RPGRIP1L: variants seen among roughly 807,000 people sequenced by gnomAD.
RPGRIP1L encodes the protein RPGRIP1 like.
A neutral mutation model predicts 160.4 loss-of-function variants in RPGRIP1L; 131 were observed. That is an observed-to-expected ratio of 0.82 (90% CI 0.71 to 0.94). RPGRIP1L has a LOEUF of 0.94. Ranked by LOEUF, RPGRIP1L falls within the 40% of genes least tolerant of loss-of-function variation. The pLI, the probability that RPGRIP1L is intolerant of heterozygous loss-of-function variation, is 0.00. For missense variants in RPGRIP1L, 1,522 were observed against 1,535.8 expected (o/e 0.99, Z 0.15); for synonymous variants, 510 against 515.8 (o/e 0.99, Z 0.15).
At chr16:53,626,514 T>C (rs2081442896) in intron 22 of RPGRIP1L, among the ~76,000 whole-genome samples, 1 of 152,104 alleles carries the variant, frequency 6.6e-6, no homozygotes, top group Non-Finnish European at 1.5e-5. Context: ...TTTATAAATT[T>C]TGATTGTGGG....
At chr16:53,659,305 A>ATAGT (rs1967561102) in intron 10 of RPGRIP1L, 1 of 482,302 alleles carries the variant, frequency 2.1e-6, no homozygotes, top group South Asian at 7.3e-5. Flanking sequence ...AACTTAGCAT[A>ATAGT]TAGTATTTTT....
chr16:53,635,213 A>C (rs1965763634), intron 22 of RPGRIP1L, among the ~76,000 whole-genome samples: 1 of 152,202 alleles, frequency 6.6e-6, no homozygotes, highest in African/African-American at 2.4e-5. Flanking sequence ...AGTTAAGAGC[A>C]ATGTACAACT....
chr16:53,677,739 T>A (rs1469152240), intron 6 of RPGRIP1L, among the ~76,000 whole-genome samples: 7 of 152,176 alleles, frequency 4.6e-5, no homozygotes, highest in Admixed American at 1.3e-4. Flanking sequence ...TTTAGCTAAG[T>A]GACCAGTCCT....
intron 12 of RPGRIP1L, 129 bp downstream of exon 12, chr16:53,658,285 G>T: frequency 1.3e-6 from 1 of 749,944 alleles, no homozygotes; most frequent in Non-Finnish European, 2.4e-6. Context: ...ATTTGTAAAG[G>T]ATGTACTAAG....
chr16:53,652,574 C>A lies in RPGRIP1L; in HGVS notation c.2113G>T (p.Glu705Ter), dbSNP rs1194791522. ...GTACAAAATATTCGGCCGCTTTTTT[C>A]AAGAATTTCGTGAAATTTTAATTGA... ...ACQLKFHEIL[E>*]KSGRIFCTAS... Residue 705 changes from glutamate to a stop codon, truncating the protein, a stop_gained, in exon 15 of 27, where the codon GAA becomes TAA. Transcript: ENST00000647211. LOFTEE classifies it high-confidence loss of function. The A allele has an allele frequency of 6.2e-7, 1 of 1,612,938 alleles. No homozygotes were observed. Among genetic ancestry groups the A allele is most frequent in the South Asian group, 1.1e-5 (1 of 91,050 alleles).
chr16:53,699,147 A>G (rs1314040512), intron 2 of RPGRIP1L, among the ~76,000 whole-genome samples: 1 of 152,082 alleles, frequency 6.6e-6, no homozygotes, highest in African/African-American at 2.4e-5. Flanking sequence ...AAATGGATTA[A>G]GGGCAGTGCA....
intron 26 of RPGRIP1L, among the ~76,000 whole-genome samples, chr16:53,604,946 G>A (rs1425572929): frequency 6.6e-6 from 1 of 152,150 alleles, no homozygotes; most frequent in Non-Finnish European, 1.5e-5. Context: ...GGGAGGCCTA[G>A]GTGGGCAGAT....
chr16:53,692,405 C>T, intron 3 of RPGRIP1L, 41 bp from the exon 4 acceptor site: 2 of 1,571,552 alleles, frequency 1.3e-6, no homozygotes, highest in South Asian at 1.1e-5. Context: ...TGTGAGAAGT[C>T]AGCATAAAAT....
intron 16 of RPGRIP1L, among the ~76,000 whole-genome samples, chr16:53,646,240 T>C (rs1966538295): frequency 6.6e-6 from 1 of 152,176 alleles, no homozygotes; most frequent in Non-Finnish European, 1.5e-5. Context: ...CATGTAGCGA[T>C]TGGTGCTAAA....
intron 5 of RPGRIP1L, 98 bp downstream of exon 5, chr16:53,687,765 C>G (rs1970118955): frequency 1.3e-6 from 1 of 778,442 alleles, no homozygotes; most frequent in Admixed American, 1.8e-5. Flanking sequence ...TTCAGTGGAG[C>G]AAACTGTTTA....
Position 53,610,827 on chromosome 16 carries a change from G to A in RPGRIP1L, c.3701+140C>T, listed in dbSNP as rs183924092. The stretch of plus-strand genomic sequence containing the variant: ...GAGGAAGGCGATCTACAGAGATCCC[G>A]TACTCATTCGAGGGTACAGAGTGAG... On this transcript the variant is annotated intron_variant, in intron 25 of 26. Coordinates refer to ENST00000647211, the MANE Select transcript of RPGRIP1L (RefSeq NM_015272.5). The A allele has an allele frequency of 1.4e-3, 1,018 of 715,186 alleles. 2 individuals are homozygous for A. The highest frequency in any genetic ancestry group is 4.3e-3 in the Admixed American group (206 of 48,256). 44.3% of individuals were successfully genotyped at this position (715,186 alleles called of 1,614,324 possible).
Position 53,641,402 on chromosome 16 carries a change from A to G in RPGRIP1L, c.2757T>C (p.Ala919=), listed in dbSNP as rs758167588. The change falls in exon 18 of 27, where the codon GCT becomes GCC. Residue 919 remains alanine (A), a synonymous_variant. Transcript: ENST00000647211. The stretch of plus-strand genomic sequence containing the variant: ...TTATTGATCCACTTGGTGGAAGGTA[A>G]GCAAATTTCCATTTCAATATAACAT... ...TIHVILKWKF[A]YLPPSGSITT... is the part of the protein sequence containing the mutation. The G allele has an allele frequency of 8.7e-6, 14 of 1,614,084 alleles. No individual in the cohort carries two copies. In the South Asian group the frequency reaches 1.4e-4, roughly 16 times the overall value.
intron 15 of RPGRIP1L, among the ~76,000 whole-genome samples, chr16:53,651,283 C>G (rs1335881472): frequency 6.6e-6 from 1 of 152,172 alleles, no homozygotes; most frequent in Admixed American, 6.5e-5. Flanking sequence ...AAAATATGTA[C>G]TGAATATGAC....
intron 24 of RPGRIP1L, among the ~76,000 whole-genome samples, chr16:53,614,154 T>C (rs1051126572): frequency 1.3e-5 from 2 of 152,188 alleles, no homozygotes; most frequent in Non-Finnish European, 2.9e-5. Flanking sequence ...CTAGTCTAGG[T>C]GTGTCAAATC....
intron 15 of RPGRIP1L, among the ~76,000 whole-genome samples, chr16:53,651,887 A>C (rs1443715762): frequency 6.6e-6 from 1 of 151,978 alleles, no homozygotes; most frequent in Non-Finnish European, 1.5e-5. Context: ...ATTATTATTT[A>C]TAATAGTTAT....
chr16:53,634,856 AC>A (rs548712083), intron 22 of RPGRIP1L, among the ~76,000 whole-genome samples: 10 of 152,342 alleles, frequency 6.6e-5, no homozygotes, highest in Admixed American at 6.5e-4. Context: ...TTATAGTAAC[AC>A]AAAACAAACT....
Position 53,598,423 on chromosome 16 carries a change from A to G in RPGRIP1L, c.*3653T>C, listed in dbSNP as rs991752482. On this transcript the variant is annotated 3_prime_UTR_variant, in exon 27 of 27. Coordinates refer to ENST00000647211, the MANE Select transcript of RPGRIP1L (RefSeq NM_015272.5). The stretch of plus-strand genomic sequence containing the variant: ...AAATGAAAGGGCAAGAACAAAAGGT[A>G]TAAGAATACCAGTAATATGGGTCCA... 2 of 152,224 alleles carry G rather than the reference A, an allele frequency of 1.3e-5. No individual in the cohort carries two copies. Among genetic ancestry groups the G allele is most frequent in the African/African-American group, 4.8e-5 (2 of 41,470 alleles). 9.4% of individuals were successfully genotyped at this position (152,224 alleles called of 1,614,324 possible).
intron 19 of RPGRIP1L, 135 bp downstream of exon 19, chr16:53,640,898 G>A (rs1242407246): frequency 1.3e-6 from 1 of 745,222 alleles, no homozygotes; most frequent in East Asian, 2.7e-5. Flanking sequence ...GAAACACAAA[G>A]CAATCACTTT....
intron 6 of RPGRIP1L, among the ~76,000 whole-genome samples, chr16:53,680,554 A>G (rs1453279409): frequency 6.6e-6 from 1 of 152,102 alleles, no homozygotes; most frequent in South Asian, 2.1e-4. Flanking sequence ...AAATAAAACA[A>G]CAACAGCTAT....
Sources: gnomAD v4.1 joint callset for allele counts (sites outside exome capture counted in the v4.1 genomes callset) on GRCh38, gnomAD v4.1.1 for gene constraint, MANE v1.5 for transcripts, NCBI Gene and HGNC (gene_info 2026-07-23, HGNC 2026-07-21) for gene names.